Variants in ZC3H12B observed in about 807,000 individuals in gnomAD.
ZC3H12B encodes the protein zinc finger CCCH-type containing 12B.
In ZC3H12B, 7 loss-of-function variants were observed where a neutral mutation model predicts 43.9. The observed-to-expected ratio is 0.16, with a 90% CI of 0.09 to 0.30. The LOEUF (loss-of-function observed/expected upper bound fraction) is 0.30. Among genes scored for constraint, ZC3H12B ranks in the 10% least tolerant of loss-of-function variants. The pLI is 1.00. For synonymous variants in ZC3H12B, 222 were observed against 241.7 expected (o/e 0.92, Z 0.76); for missense variants, 475 against 670.2 (o/e 0.71, Z 3.22).
chrX:65,451,391 C>G (rs2067509205), intron 3 of ZC3H12B, among the ~76,000 whole-genome samples: 1 of 111,899 alleles, frequency 8.9e-6, no homozygotes, highest in African/African-American at 3.2e-5. Flanking sequence ...AATTCTTTGT[C>G]AGATAATGCA....
intron 1 of ZC3H12B, among the ~76,000 whole-genome samples, chrX:65,492,993 C>CT (rs1242057716): frequency 9.0e-6 from 1 of 110,978 alleles, no homozygotes; most frequent in Non-Finnish European, 1.9e-5. Context: ...GTCCCAGCTA[C>CT]TTGGGGGGCT....
chrX:65,111,760 C>A, the ZC3H12B span, among the ~76,000 whole-genome samples: 1 of 109,954 alleles, frequency 9.1e-6, no homozygotes, highest in Non-Finnish European at 1.9e-5. Context: ...ACAAACCATG[C>A]CCATATAAGA....
chrX:65,259,575 C>T, the ZC3H12B span, among the ~76,000 whole-genome samples: 1 of 111,912 alleles, frequency 8.9e-6, no homozygotes. Flanking sequence ...CCTAATTAAA[C>T]AGAAGGGCTT....
the ZC3H12B span, among the ~76,000 whole-genome samples, chrX:65,326,581 C>T: frequency 9.2e-6 from 1 of 108,942 alleles, no homozygotes; most frequent in Non-Finnish European, 1.9e-5. Context: ...AAAAAAAGAC[C>T]TAGTGTTAGA....
chrX:65,497,930 G>A (rs1414074232), intron 2 of ZC3H12B, among the ~76,000 whole-genome samples: 1 of 111,311 alleles, frequency 9.0e-6, no homozygotes, highest in Non-Finnish European at 1.9e-5. Flanking sequence ...TTGAGACAGG[G>A]TCTCACTCTG....
At chrX:65,214,191 G>T in the ZC3H12B span, among the ~76,000 whole-genome samples, 2 of 110,824 alleles carry the variant, frequency 1.8e-5, no homozygotes, top group Non-Finnish European at 3.8e-5. Flanking sequence ...GACTGATAAG[G>T]GTGGCGGTTG....
chrX:65,308,235 C>G, the ZC3H12B span, among the ~76,000 whole-genome samples: 1 of 109,466 alleles, frequency 9.1e-6, no homozygotes, highest in Admixed American at 9.8e-5. Context: ...AAAAGGAACC[C>G]TCAAAACCAT....
the ZC3H12B span, among the ~76,000 whole-genome samples, chrX:65,135,957 G>A: frequency 9.1e-6 from 1 of 110,447 alleles, no homozygotes; most frequent in Non-Finnish European, 1.9e-5. Context: ...TTTCATAGTT[G>A]TTTACTGAAG....
the ZC3H12B span, among the ~76,000 whole-genome samples, chrX:65,232,252 A>T: frequency 1.8e-5 from 2 of 110,618 alleles, no homozygotes; most frequent in Admixed American, 1.9e-4. Context: ...AAAAAATAAT[A>T]AAATAAAATA....
the ZC3H12B span, among the ~76,000 whole-genome samples, chrX:65,227,317 A>C: frequency 9.0e-6 from 1 of 111,725 alleles, no homozygotes; most frequent in Non-Finnish European, 1.9e-5. Flanking sequence ...AGAAATAAAG[A>C]TGTTCTTTGA....
chrX:65,332,002 A>G, the ZC3H12B span, among the ~76,000 whole-genome samples: 4 of 111,192 alleles, frequency 3.6e-5, no homozygotes, highest in Non-Finnish European at 7.6e-5. Flanking sequence ...CAAGGTCTTT[A>G]TGACCTGTAT....
the ZC3H12B span, among the ~76,000 whole-genome samples, chrX:65,346,668 C>G: frequency 8.9e-6 from 1 of 112,310 alleles, no homozygotes; most frequent in Non-Finnish European, 1.9e-5. Flanking sequence ...AATAAACTAT[C>G]AACAGAGTAA....
At chrX:65,142,841 C>T in the ZC3H12B span, among the ~76,000 whole-genome samples, 2 of 112,118 alleles carry the variant, frequency 1.8e-5, no homozygotes, top group African/African-American at 6.5e-5. Context: ...GTTCTATATT[C>T]TGTTTCATTG....
chrX:65,123,329 A>C, the ZC3H12B span, among the ~76,000 whole-genome samples: 2 of 111,401 alleles, frequency 1.8e-5, no homozygotes, highest in Non-Finnish European at 3.8e-5. Flanking sequence ...TCGGTTTGCC[A>C]GTGTTTTATT....
At chrX:65,436,207 C>A (rs750906975) in intron 3 of ZC3H12B, among the ~76,000 whole-genome samples, 2 of 111,903 alleles carry the variant, frequency 1.8e-5, no homozygotes, top group Non-Finnish European at 3.8e-5. Flanking sequence ...AATTCTGTCA[C>A]AAGAACAGCA....
chrX:65,234,000 A>G, the ZC3H12B span, among the ~76,000 whole-genome samples: 1 of 111,436 alleles, frequency 9.0e-6, no homozygotes, highest in African/African-American at 3.3e-5. Context: ...GAAGGGACTA[A>G]TTCTAAATTC....
At chrX:65,418,362 T>C (rs182661790) in intron 3 of ZC3H12B, among the ~76,000 whole-genome samples, 2 of 112,051 alleles carry the variant, frequency 1.8e-5, no homozygotes, top group Admixed American at 9.5e-5. Context: ...TAATTTTAAA[T>C]ACAAAAATCT....
chrX:65,450,034 T>C (rs1433215654), intron 3 of ZC3H12B, among the ~76,000 whole-genome samples: 1 of 109,903 alleles, frequency 9.1e-6, no homozygotes, highest in Non-Finnish European at 1.9e-5. Flanking sequence ...AGGCTGGGCG[T>C]GGTAACTCAC....
the ZC3H12B span, among the ~76,000 whole-genome samples, chrX:65,139,909 A>G: frequency 9.0e-6 from 1 of 111,178 alleles, no homozygotes; most frequent in East Asian, 2.8e-4. Context: ...GTATATAGGA[A>G]TGCAGTTAAC....
Sources: allele counts gnomAD v4.1 joint callset (sites outside exome capture counted in the v4.1 genomes callset), GRCh38; gene constraint gnomAD v4.1.1; transcripts MANE v1.5; gene names NCBI Gene and HGNC (gene_info 2026-07-23, HGNC 2026-07-21).